CD46: variants seen among roughly 807,000 people sequenced by gnomAD.
The protein encoded by CD46 is CD46 molecule.
In CD46, 30 loss-of-function variants were observed where a neutral mutation model predicts 53.3. The ratio of observed to expected loss-of-function variants is 0.56; its 90% CI spans 0.42 to 0.76. The LOEUF (loss-of-function observed/expected upper bound fraction) is 0.76, where lower values mean the gene tolerates loss of function less well. CD46 is among the 30% of genes least tolerant of loss of function. The probability of loss-of-function intolerance (pLI) is 0.00; values close to 1 mark genes in which losing one functional copy is unlikely to be tolerated. For missense variants in CD46, 409 were observed against 463.0 expected (o/e 0.88, Z 1.07); for synonymous variants, 142 against 152.0 (o/e 0.93, Z 0.48).
In CD46 at chr1:207,793,926, A is replaced by C. The variant is rs997951560; in HGVS notation, c.*449A>C. ...CAATGAAATTATATTTTCTTTGTAA[A>C]GAAAGTGGCTTGAAATCTTTTTTGT... On this transcript the variant is annotated 3_prime_UTR_variant, in exon 13 of 13. Coordinates refer to ENST00000367042, the MANE Select transcript of CD46 (RefSeq NM_172351.3). 2 of 265,632 alleles carry C rather than the reference A, an allele frequency of 7.5e-6. No homozygotes were observed. The highest frequency in any genetic ancestry group is 1.6e-4 in the East Asian group (2 of 12,620). 16.5% of individuals were successfully genotyped at this position (265,632 alleles called of 1,614,324 possible).
chr1:207,781,437 T>C (rs1176351179), intron 8 of CD46, among the ~76,000 whole-genome samples: 1 of 152,218 alleles, frequency 6.6e-6, no homozygotes, highest in Non-Finnish European at 1.5e-5. Context: ...TTGCTTTTAA[T>C]TGATGAAATA....
At chr1:207,791,963 T>C (rs995026869) in intron 12 of CD46, among the ~76,000 whole-genome samples, 22 of 152,208 alleles carry the variant, frequency 1.4e-4, no homozygotes, top group African/African-American at 5.1e-4. Context: ...ATTCTACTAC[T>C]ATGGGAAAAA....
intron 10 of CD46, 72 bp from the exon 11 acceptor site, chr1:207,785,547 C>A (rs1437559078): frequency 4.8e-6 from 5 of 1,043,686 alleles, no homozygotes; most frequent in Admixed American, 1.7e-5. Context: ...ACATTTATTT[C>A]TTCTGCTAGA....
intron 11 of CD46, among the ~76,000 whole-genome samples, chr1:207,790,001 C>T (rs1339066924): frequency 6.7e-6 from 1 of 149,500 alleles, no homozygotes; most frequent in Admixed American, 6.7e-5. Flanking sequence ...CAAAGATAAA[C>T]ATATTAAACA....
At chr1:207,776,550 T>A (rs1658129794) in intron 8 of CD46, among the ~76,000 whole-genome samples, 2 of 152,236 alleles carry the variant, frequency 1.3e-5, no homozygotes, top group South Asian at 4.1e-4. Context: ...TCTAAAAAAA[T>A]GTTAAGAATT....
At chr1:207,767,726 A>G (rs771470142) in intron 6 of CD46, 53 bp from the exon 7 acceptor site, 37 of 1,585,672 alleles carry the variant, frequency 2.3e-5, no homozygotes, top group Non-Finnish European at 3.2e-5. Context: ...AGAAATTGCC[A>G]GCAATAACTC....
intron 6 of CD46, 192 bp from the exon 7 acceptor site, chr1:207,767,587 A>G: frequency 6.2e-7 from 1 of 1,601,056 alleles, no homozygotes; most frequent in Non-Finnish European, 8.6e-7. Context: ...TTGATCTTCT[A>G]ACATTATTTT....
rs1035595882 is a variant in CD46, at chr1:207,752,124, A to G, written c.-89A>G. ...TGAGTTGGGGATTGTTGCGTCCCAT[A>G]TCTGGACCCAGAAGGGACTTCCCTG... On this transcript the variant is annotated 5_prime_UTR_variant, in exon 1 of 13. In the 5' UTR this introduces an upstream ATG that the reference lacks. Transcript: ENST00000367042. The surrounding 1 kb of genome is among the most constrained non-coding windows in gnomAD (Gnocchi z 4.1). 5 of 1,202,280 alleles carry G rather than the reference A, an allele frequency of 4.2e-6. No individual in the cohort carries two copies. The highest frequency in any genetic ancestry group is 6.1e-6 in the Non-Finnish European group (5 of 814,740). 74.5% of individuals were successfully genotyped at this position (1,202,280 alleles called of 1,614,324 possible).
intron 8 of CD46, among the ~76,000 whole-genome samples, chr1:207,774,430 G>A (rs1657871810): frequency 6.6e-6 from 1 of 152,168 alleles, no homozygotes; most frequent in Non-Finnish European, 1.5e-5. Context: ...TCATTATGAT[G>A]TTAGCTGGTT....
chr1:207,780,552 C>G (rs551347193), intron 8 of CD46, among the ~76,000 whole-genome samples: 3 of 152,016 alleles, frequency 2.0e-5, no homozygotes, highest in Admixed American at 1.3e-4. Flanking sequence ...GTATTCAGTT[C>G]TTTTAGGTAT....
Position 207,767,079 on chromosome 1 carries a change from A to G in CD46, c.740A>G (p.Tyr247Cys), listed in dbSNP as rs1656936763. 6.2e-7 allele frequency: 1 copy of G among 1,613,784 alleles called. No individual in the cohort carries two copies. Among genetic ancestry groups the G allele is most frequent in the Non-Finnish European group, 8.5e-7 (1 of 1,179,652 alleles). The change falls in exon 6 of 13, where the codon TAC (tyrosine) becomes TGC (cysteine). Residue 247 changes from tyrosine to cysteine, a missense_variant. Transcript: ENST00000367042. ...ATATCAGGATTTGGAAAAAAATTTTACTACAAAGCAACAGTTATGTTTGAA... is the reference window on the plus strand; with the variant it reads ...ATATCAGGATTTGGAAAAAAATTTTGCTACAAAGCAACAGTTATGTTTGAA... ...KQISGFGKKF[Y>C]YKATVMFECD...
intron 5 of CD46, 118 bp from the exon 6 acceptor site, chr1:207,766,895 G>A: frequency 1.3e-6 from 1 of 750,518 alleles, no homozygotes; most frequent in Non-Finnish European, 2.3e-6. Flanking sequence ...TTTAAAAAAT[G>A]TTTTTAACAT....
intron 8 of CD46, among the ~76,000 whole-genome samples, chr1:207,775,848 T>A (rs1333103557): frequency 6.6e-6 from 1 of 152,222 alleles, no homozygotes; most frequent in Admixed American, 6.5e-5. Context: ...GGAGGCAGTC[T>A]GTCCAGTGTC....
intron 8 of CD46, among the ~76,000 whole-genome samples, chr1:207,771,403 A>G (rs1657494157): frequency 6.6e-6 from 1 of 152,150 alleles, no homozygotes; most frequent in Admixed American, 6.5e-5. Context: ...TAGTTTCATT[A>G]GATCCCATTT....
chr1:207,770,964 C>T (rs1222605080), intron 8 of CD46, among the ~76,000 whole-genome samples: 1 of 152,172 alleles, frequency 6.6e-6, no homozygotes, highest in Admixed American at 6.5e-5. Flanking sequence ...GTAGATCCTT[C>T]AGGAATCACC....
Position 207,759,709 on chromosome 1 carries a change from C to A in CD46, c.460C>A (p.Pro154Thr). The change falls in exon 4 of 13, where the codon CCC becomes ACC. Residue 154 changes from proline (P) to threonine (T), a missense_variant. By Grantham distance (38) the Pro-to-Thr change is conservative. Coordinates refer to ENST00000367042, the MANE Select transcript of CD46 (RefSeq NM_172351.3). Reference protein sequence around the residue: ...KGSVAIWSGKPPICEKVLCTP... With the variant: ...KGSVAIWSGKTPICEKVLCTP... ...ATCAGTAGCAATTTGGAGCGGTAAG[C>A]CCCCAATATGTGAAAGTAAGTAAAT... The A allele has an allele frequency of 6.2e-7, 1 of 1,602,168 alleles. No homozygotes were observed. Among genetic ancestry groups the A allele is most frequent in the Non-Finnish European group, 8.5e-7 (1 of 1,169,592 alleles).
intron 5 of CD46, chr1:207,762,645 G>A (rs1482367902): frequency 2.0e-5 from 3 of 152,350 alleles, no homozygotes; most frequent in African/African-American, 7.2e-5. Flanking sequence ...TCCCGGACTT[G>A]TCCTTTTAGA....
chr1:207,752,427 G>A lies in CD46; in HGVS notation c.97+118G>A. Reference sequence around the variant, plus strand: ...TGCCTGTTTGGGGACAGGGTTCTCTGAGGGGTGCAGTGCTCAGATCCCGGG... The same window carrying A: ...TGCCTGTTTGGGGACAGGGTTCTCTAAGGGGTGCAGTGCTCAGATCCCGGG... On this transcript the variant is annotated intron_variant, in intron 1 of 12. Transcript: ENST00000367042. This position sits in a 1 kb window ranked among gnomAD's most constrained non-coding sequence, Gnocchi z 4.1. The A allele has an allele frequency of 1.1e-6, 1 of 941,482 alleles. No homozygotes were observed. Among genetic ancestry groups the A allele is most frequent in the Non-Finnish European group, 1.7e-6 (1 of 577,844 alleles). The allele number at this position is 941,482 out of a possible 1,614,324, so 58.3% of individuals were successfully genotyped here. A position where few individuals can be genotyped will look rare whatever the true frequency, so the allele number is the denominator to read the frequency against.
At position 207,767,687 on chromosome 1, in the gene CD46, A is replaced by G. The variant is rs543794590; in HGVS notation, c.857-92A>G. 7.1e-5 allele frequency: 113 copies of G among 1,600,372 alleles called. No homozygotes were observed. The South Asian group carries it at 1.2e-3, about 17-fold the overall frequency. On this transcript the variant is annotated intron_variant, in intron 6 of 12. Transcript: ENST00000367042. The stretch of plus-strand genomic sequence containing the variant: ...TTCTTCCTTATATGTCTTCTTCCTT[A>G]TATGTTACAAGATATAAGGAATTCC...
Sources: gnomAD v4.1 joint callset for allele counts (sites outside exome capture counted in the v4.1 genomes callset) on GRCh38, gnomAD v4.1.1 for gene constraint, Gnocchi (gnomAD v3.1) non-coding constraint, MANE v1.5 for transcripts, NCBI Gene and HGNC (gene_info 2026-07-23, HGNC 2026-07-21) for gene names.